NLK: variants seen among roughly 807,000 people sequenced by gnomAD.
NLK encodes the protein nemo like kinase.
In NLK, 11 loss-of-function variants were observed where a neutral mutation model predicts 59.0. The ratio of observed to expected loss-of-function variants is 0.19; its 90% CI spans 0.12 to 0.31. The LOEUF is 0.31. NLK is among the 10% of genes least tolerant of loss of function. The pLI, the probability that NLK is intolerant of heterozygous loss-of-function variation, is 1.00. For missense variants in NLK, 410 were observed against 661.1 expected (o/e 0.62, Z 4.16); for synonymous variants, 235 against 235.9 (o/e 1.00, Z 0.03).
At chr17:28,048,612 G>A (rs1039051616) in intron 1 of NLK, 1 of 151,984 alleles carries the variant, frequency 6.6e-6, no homozygotes, top group Non-Finnish European at 1.5e-5. Context: ...TTAAATTCTG[G>A]GTTTTTACCT....
intron 1 of NLK, 97 bp from the exon 2 acceptor site, chr17:28,122,505 AG>A: frequency 7.7e-7 from 1 of 1,293,914 alleles, no homozygotes. Context: ...GAGTGTTTTA[AG>A]ATAAAGATAT....
At chr17:28,138,847 CA>C (rs1029726911) in intron 3 of NLK, among the ~76,000 whole-genome samples, 2 of 151,990 alleles carry the variant, frequency 1.3e-5, no homozygotes, top group African/African-American at 4.8e-5. Context: ...AAAGTAGGTA[CA>C]AAATAAATAT....
At chr17:28,068,477 A>C (rs958674026) in intron 1 of NLK, among the ~76,000 whole-genome samples, 8 of 152,060 alleles carry the variant, frequency 5.3e-5, no homozygotes, top group Non-Finnish European at 1.2e-4. Flanking sequence ...CTATCTTGTG[A>C]TATAATTTTG....
chr17:28,174,510 G>A (rs1415841337), intron 7 of NLK, among the ~76,000 whole-genome samples: 1 of 152,124 alleles, frequency 6.6e-6, no homozygotes, highest in Non-Finnish European at 1.5e-5. Context: ...TCCGCTTAAT[G>A]GCTAGATGCA....
intron 5 of NLK, among the ~76,000 whole-genome samples, chr17:28,168,225 A>G (rs185668507): frequency 4.0e-5 from 6 of 151,484 alleles, no homozygotes; most frequent in Admixed American, 1.3e-4. Flanking sequence ...AGTCCCAGCT[A>G]TTCGGGAGGC....
intron 3 of NLK, among the ~76,000 whole-genome samples, chr17:28,147,814 T>C (rs1907319890): frequency 6.6e-6 from 1 of 152,230 alleles, no homozygotes; most frequent in Non-Finnish European, 1.5e-5. Flanking sequence ...TAGCAGGATG[T>C]GCTGCTTGTT....
At chr17:28,162,385 C>T (rs34062226) in intron 4 of NLK, among the ~76,000 whole-genome samples, 1 of 152,090 alleles carries the variant, frequency 6.6e-6, no homozygotes, top group East Asian at 1.9e-4. Context: ...GTAATCCCAG[C>T]GCTTTGGGAT....
At chr17:28,074,406 T>A (rs911429655) in intron 1 of NLK, among the ~76,000 whole-genome samples, 6 of 152,302 alleles carry the variant, frequency 3.9e-5, no homozygotes, top group Admixed American at 6.5e-5. Context: ...TTACTATTTT[T>A]AAAAAATTTT....
rs1243069149 is a variant in NLK at position 28,194,948 on chromosome 17, T to TG, written c.*312_*313insG. 12 of 239,230 alleles carry TG rather than the reference T, an allele frequency of 5.0e-5. No individual in the cohort carries two copies. The highest frequency in any genetic ancestry group is 8.0e-5 in the Non-Finnish European group (10 of 124,504). 14.8% of individuals were successfully genotyped at this position (239,230 alleles called of 1,614,324 possible). ...AAATTTGGGAGTTTGGGGTTTTATG[T>TG]TTTGTTTTTCTTTTCTAAAATGAAG... On this transcript the variant is annotated 3_prime_UTR_variant, in exon 11 of 11. Coordinates refer to ENST00000407008, the MANE Select transcript of NLK (RefSeq NM_016231.5).
chr17:28,111,246 G>A (rs570865065), intron 1 of NLK, among the ~76,000 whole-genome samples: 1 of 151,958 alleles, frequency 6.6e-6, no homozygotes, highest in South Asian at 2.1e-4. Context: ...GAGTGCAGTG[G>A]CGCAATCTCA....
chr17:28,185,890 G>A lies in NLK; in HGVS notation c.1236+625G>A, dbSNP rs77794596. ...GAAAAAAAAATCTGACCATTATATTGCATAAGGAAATGTTTGCTCTGTGTT... is the reference window on the plus strand; with the variant it reads ...GAAAAAAAAATCTGACCATTATATTACATAAGGAAATGTTTGCTCTGTGTT... On this transcript the variant is annotated intron_variant, in intron 8 of 10. Transcript: ENST00000407008. 5.2e-3 allele frequency among the ~76,000 whole-genome samples: 790 copies of A among 152,140 alleles called. 12 individuals carry two copies. The highest frequency in any genetic ancestry group is 0.018 in the African/African-American group (728 of 41,506).
chr17:28,096,942 G>A (rs1567712986), intron 1 of NLK, among the ~76,000 whole-genome samples: 1 of 152,180 alleles, frequency 6.6e-6, no homozygotes, highest in Non-Finnish European at 1.5e-5. Context: ...GGTCTAAACA[G>A]TGATAGGATG....
At chr17:28,127,949 T>C (rs1482256006) in intron 2 of NLK, among the ~76,000 whole-genome samples, 3 of 152,124 alleles carry the variant, frequency 2.0e-5, no homozygotes, top group South Asian at 4.1e-4. Flanking sequence ...ATAGAAAGTT[T>C]GTAAACTGGC....
chr17:28,098,675 CTTTTTTT>C (rs781294029), intron 1 of NLK, among the ~76,000 whole-genome samples: 7 of 67,572 alleles, frequency 1.0e-4, no homozygotes, highest in South Asian at 4.7e-4. Flanking sequence ...CATTACCATT[CTTTTTTT>C]TTTTTTTTTT....
intron 3 of NLK, among the ~76,000 whole-genome samples, chr17:28,149,816 G>A (rs183477134): frequency 8.8e-4 from 134 of 152,292 alleles, no homozygotes; most frequent in African/African-American, 2.8e-3. Flanking sequence ...TGCATTTCTA[G>A]TACCTAGATT....
chr17:28,144,477 C>G (rs1907156417), intron 3 of NLK, among the ~76,000 whole-genome samples: 2 of 151,288 alleles, frequency 1.3e-5, no homozygotes, highest in Admixed American at 6.6e-5. Context: ...TCTAAAACTT[C>G]CCAGCTGGTG....
At chr17:28,111,879 TGTGTGTGTGTGTGTGTG>T (rs1294671564) in intron 1 of NLK, among the ~76,000 whole-genome samples, 15 of 126,346 alleles carry the variant, frequency 1.2e-4, no homozygotes, top group East Asian at 7.2e-4. Flanking sequence ...TGTGTGTGTG[TGTGTGTGTGTGTGTGTG>T]GTGTGTGTGT....
At chr17:28,172,669 T>C in intron 7 of NLK, 51 bp downstream of exon 7, 1 of 1,086,356 alleles carries the variant, frequency 9.2e-7, no homozygotes, top group East Asian at 3.0e-5. Context: ...TGGGCAAGAT[T>C]TCCCTTCCAA....
At chr17:28,079,658 C>G (rs1426567562) in intron 1 of NLK, among the ~76,000 whole-genome samples, 1 of 152,136 alleles carries the variant, frequency 6.6e-6, no homozygotes, top group African/African-American at 2.4e-5. Context: ...TGTATCTTCT[C>G]TTTTGCCCAT....
Sources: allele counts gnomAD v4.1 joint callset (sites outside exome capture counted in the v4.1 genomes callset), GRCh38; gene constraint gnomAD v4.1.1; transcripts MANE v1.5; gene names NCBI Gene and HGNC (gene_info 2026-07-23, HGNC 2026-07-21).